Variants in CD47 observed in about 807,000 individuals in gnomAD.
CD47 encodes the protein leukocyte surface antigen CD47.
CD47 carries 11 observed loss-of-function variants against 44.6 expected under a neutral mutation model. That is an observed-to-expected ratio of 0.25 (90% CI 0.16 to 0.41). CD47 has a LOEUF of 0.41. Ranked by LOEUF, CD47 falls within the 10% of genes least tolerant of loss-of-function variation. The pLI, the probability that CD47 is intolerant of heterozygous loss-of-function variation, is 1.00. For synonymous variants in CD47, 140 were observed against 136.3 expected (o/e 1.03, Z -0.19); for missense variants, 306 against 386.7 (o/e 0.79, Z 1.75).
intron 1 of CD47, among the ~76,000 whole-genome samples, chr3:108,085,142 G>A (rs754897477): frequency 6.6e-6 from 1 of 151,964 alleles, no homozygotes. Context: ...TCATAATGAC[G>A]TTATTGCAAT....
intron 6 of CD47, 77 bp downstream of exon 6, chr3:108,058,260 G>C: frequency 1.2e-6 from 1 of 821,814 alleles, no homozygotes; most frequent in Non-Finnish European, 1.8e-6. Context: ...TTTAAAAAGA[G>C]AGAAAGAAAA....
At chr3:108,070,806 AATGTGAC>A (rs2079186795) in intron 3 of CD47, among the ~76,000 whole-genome samples, 1 of 151,682 alleles carries the variant, frequency 6.6e-6, no homozygotes, top group Admixed American at 6.6e-5. Flanking sequence ...TGAATATTAA[AATGTGAC>A]ATGAGTTTAA....
chr3:108,069,672 T>C (rs950714600), intron 3 of CD47, among the ~76,000 whole-genome samples: 2 of 151,902 alleles, frequency 1.3e-5, no homozygotes, highest in Non-Finnish European at 2.9e-5. Context: ...CTAAAAATAA[T>C]GTCACCAATG....
chr3:108,073,111 C>T (rs932193396), intron 2 of CD47, among the ~76,000 whole-genome samples: 7 of 151,602 alleles, frequency 4.6e-5, no homozygotes, highest in Non-Finnish European at 1.0e-4. Context: ...TGATTTCTCC[C>T]ACATCCCACT....
At chr3:108,085,065 AC>A in intron 1 of CD47, among the ~76,000 whole-genome samples, 1 of 152,192 alleles carries the variant, frequency 6.6e-6, no homozygotes, top group East Asian at 1.9e-4. Context: ...TGGAATACAA[AC>A]GAGGTCCTTC....
chr3:108,080,404 G>C (rs2079394631), intron 1 of CD47, 60 bp from the exon 2 acceptor site: 2 of 839,526 alleles, frequency 2.4e-6, no homozygotes, highest in Admixed American at 2.5e-5. Context: ...TAAGATCTTA[G>C]GCATGTTACA....
At chr3:108,050,472 A>C (rs36115125) in intron 9 of CD47, 106 bp downstream of exon 9, 70,338 of 669,560 alleles carry the variant, frequency 0.11, 4,394 homozygotes, top group South Asian at 0.16. Context: ...AAAAAGAGGA[A>C]AAAAACCTAG....
intron 3 of CD47, among the ~76,000 whole-genome samples, chr3:108,068,298 G>A (rs1228799543): frequency 6.6e-6 from 1 of 152,138 alleles, no homozygotes; most frequent in Non-Finnish European, 1.5e-5. Flanking sequence ...CAAGGCATGG[G>A]ATGCACATAC....
Position 108,079,981 on chromosome 3 carries a change from G to A in CD47, c.400+10C>T, listed in dbSNP as rs1198309835. ...ACAAATAAAAAAAGAAGCTTTCATA[G>A]AAGTCTTACCAACACGATATTTTAG... is the stretch of plus-strand genomic sequence containing the variant. On this transcript the variant is annotated intron_variant, in intron 2 of 10. Coordinates refer to ENST00000361309, the MANE Select transcript of CD47 (RefSeq NM_001777.4). The A allele has an allele frequency of 6.4e-7, 1 of 1,569,168 alleles. No homozygotes were observed. The highest frequency in any genetic ancestry group is 2.2e-5 in the East Asian group (1 of 44,498).
rs532254781 is a variant in CD47, at chr3:108,045,254, T to C, written c.*2034A>G. On this transcript the variant is annotated 3_prime_UTR_variant, in exon 11 of 11. Coordinates refer to ENST00000361309, the MANE Select transcript of CD47 (RefSeq NM_001777.4). ...TACTACATATTAAAAGGTACAACTT[T>C]AGTTTATAAAAAATTTTACTATAAA... is the stretch of plus-strand genomic sequence containing the variant. 1.3e-5 allele frequency: 2 copies of C among 152,786 alleles called. No individual in the cohort carries two copies. Among genetic ancestry groups the C allele is most frequent in the South Asian group, 4.1e-4 (2 of 4,832 alleles). 9.5% of individuals were successfully genotyped at this position (152,786 alleles called of 1,614,324 possible).
Position 108,059,453 on chromosome 3 carries a change from T to C in CD47, c.690A>G (p.Thr230=). ...LILLHYYVFS[T]AIGLTSFVIA... is the part of the protein sequence containing the mutation. ...CATACTGTAACAATGAAAACTCACCTGTACTAAACACATAGTAGTGAAGTA... is the reference window on the plus strand; with the variant it reads ...CATACTGTAACAATGAAAACTCACCCGTACTAAACACATAGTAGTGAAGTA... Residue 230 remains threonine, a splice_region_variant and synonymous_variant, in exon 5 of 11, where the codon ACA becomes ACG. Coordinates refer to ENST00000361309, the MANE Select transcript of CD47 (RefSeq NM_001777.4). 1 of 1,398,438 alleles carries C rather than the reference T, an allele frequency of 7.2e-7. No individual in the cohort carries two copies. The highest frequency in any genetic ancestry group is 9.7e-7 in the Non-Finnish European group (1 of 1,033,898). The allele number at this position is 1,398,438 out of a possible 1,614,324, so 86.6% of individuals were successfully genotyped here. A position where few individuals can be genotyped will look rare whatever the true frequency, so the allele number is the denominator to read the frequency against.
At chr3:108,059,645 C>T (rs1369585722) in intron 4 of CD47, 101 bp from the exon 5 acceptor site, 16 of 510,668 alleles carry the variant, frequency 3.1e-5, no homozygotes, top group East Asian at 2.8e-4. Context: ...TAAAAATATA[C>T]GTTTCCCTGA....
intron 10 of CD47, among the ~76,000 whole-genome samples, chr3:108,048,382 T>TC (rs1160511043): frequency 7.3e-6 from 1 of 137,000 alleles, no homozygotes; most frequent in African/African-American, 2.8e-5. Flanking sequence ...TTTTTTTTTT[T>TC]TTTTTTTTTT....
chr3:108,055,797 AGGCTTGGAGGAAC>A (rs2078903684), intron 7 of CD47, among the ~76,000 whole-genome samples: 1 of 152,188 alleles, frequency 6.6e-6, no homozygotes, highest in Non-Finnish European at 1.5e-5. Flanking sequence ...GTGGTTTCAC[AGGCTTGGAGGAAC>A]GTAAGTGATG....
rs1560029597 is a variant in CD47, at chr3:108,080,116, A to T, written c.275T>A (p.Leu92Gln). The T allele has an allele frequency of 6.2e-7, 1 of 1,612,890 alleles. No individual in the cohort carries two copies. Among genetic ancestry groups the T allele is most frequent in the Non-Finnish European group, 8.5e-7 (1 of 1,179,100 alleles). ...SSAKIEVSQL[L>Q]KGDASLKMDK... Reference sequence around the variant, plus strand: ...CATCTTCAAAGAGGCATCTCCTTTTAGTAATTGTGAGACTTCAATTTTTGC... The same window carrying T: ...CATCTTCAAAGAGGCATCTCCTTTTTGTAATTGTGAGACTTCAATTTTTGC... Residue 92 changes from leucine to glutamine, a missense_variant, in exon 2 of 11, where the codon CTA (leucine) becomes CAA (glutamine). This residue lies in a region of CD47 where 47 missense variants were observed against 36.2 expected (regional missense o/e 1.30). Transcript: ENST00000361309.
At chr3:108,071,367 T>C (rs1398177353) in intron 2 of CD47, among the ~76,000 whole-genome samples, 185 bp from the exon 3 acceptor site, 5 of 152,260 alleles carry the variant, frequency 3.3e-5, no homozygotes, top group Non-Finnish European at 5.9e-5. Context: ...AATGTACTTA[T>C]GTAAATTTTA....
Position 108,073,649 on chromosome 3 carries a change from TAG to T in CD47, c.401-2469_401-2468del, listed in dbSNP as rs200268310. Among the ~76,000 whole-genome samples, 891 of 152,344 alleles carry T rather than the reference TAG, an allele frequency of 5.8e-3. 15 individuals are homozygous for T. The highest frequency in any genetic ancestry group is 0.047 in the East Asian group (242 of 5,188). On this transcript the variant is annotated intron_variant, in intron 2 of 10. Transcript: ENST00000361309. ...AAGAGTTTGCTGGGGCAAGACCATG[TAG>T]AGTCTTAAAAGCTTGTTGGGAGAGT...
intron 2 of CD47, among the ~76,000 whole-genome samples, chr3:108,076,726 C>T (rs1242369714): frequency 4.6e-5 from 7 of 152,210 alleles, no homozygotes; most frequent in Non-Finnish European, 1.0e-4. Flanking sequence ...CATATTTGTA[C>T]TGCAACCACT....
At chr3:108,077,092 A>C (rs1189793664) in intron 2 of CD47, among the ~76,000 whole-genome samples, 2 of 152,130 alleles carry the variant, frequency 1.3e-5, no homozygotes, top group African/African-American at 4.8e-5. Flanking sequence ...TCCTCCAAAA[A>C]ATTTAAAAAG....
Sources: allele counts gnomAD v4.1 joint callset (sites outside exome capture counted in the v4.1 genomes callset), GRCh38; gene constraint gnomAD v4.1.1; regional missense constraint gnomAD v4.1.1; transcripts MANE v1.5; gene names NCBI Gene and HGNC (gene_info 2026-07-23, HGNC 2026-07-21).